WWOX: variants seen among roughly 807,000 people sequenced by gnomAD.
The protein encoded by WWOX is WW domain-containing oxidoreductase.
Under a neutral mutation model 46.2 loss-of-function variants are expected in WWOX, and 69 were observed. The ratio of observed to expected loss-of-function variants is 1.49; its 90% CI spans 1.23 to 1.82. WWOX has a LOEUF of 1.82. Ranked by LOEUF, WWOX falls within the 40% of genes most tolerant of loss-of-function variation. WWOX has a pLI of 0.00. For missense variants in WWOX, 919 were observed against 542.6 expected (o/e 1.69, Z -6.89); for synonymous variants, 359 against 202.6 (o/e 1.77, Z -6.56).
intron 6 of WWOX, among the ~76,000 whole-genome samples, chr16:78,414,944 A>G (rs958174481): frequency 1.2e-4 from 19 of 152,152 alleles, no homozygotes; most frequent in African/African-American, 4.3e-4. Flanking sequence ...GGGTGAGTCT[A>G]TAAAATTAAA....
intron 8 of WWOX, among the ~76,000 whole-genome samples, chr16:78,802,719 C>A (rs536074691): frequency 1.3e-5 from 2 of 151,470 alleles, no homozygotes; most frequent in East Asian, 3.9e-4. Flanking sequence ...AGTTCAAGAT[C>A]AGCCTGGGCA....
chr16:79,018,901 A>C (rs1036115521), intron 8 of WWOX, among the ~76,000 whole-genome samples: 1 of 152,092 alleles, frequency 6.6e-6, no homozygotes, highest in African/African-American at 2.4e-5. Context: ...ATGTAATCCC[A>C]ACACTTTGGG....
chr16:78,253,861 C>T (rs1393084658), intron 5 of WWOX, among the ~76,000 whole-genome samples: 3 of 152,232 alleles, frequency 2.0e-5, no homozygotes, highest in South Asian at 2.1e-4. Flanking sequence ...GGTAAGCTTA[C>T]GTACATGCTT....
intron 4 of WWOX, chr16:78,124,156 A>G (rs1000370255): frequency 4.6e-5 from 7 of 150,962 alleles, no homozygotes; most frequent in Admixed American, 4.6e-4. Context: ...GCTATATTAT[A>G]TACTTTTATT....
intron 8 of WWOX, among the ~76,000 whole-genome samples, chr16:78,807,524 A>G (rs1025700228): frequency 3.0e-4 from 46 of 152,232 alleles, no homozygotes; most frequent in African/African-American, 9.6e-4. Context: ...TTGCTTCTAC[A>G]TGGATTCTAA....
intron 8 of WWOX, among the ~76,000 whole-genome samples, chr16:78,662,221 C>A (rs1031714115): frequency 6.6e-6 from 1 of 152,014 alleles, no homozygotes; most frequent in Non-Finnish European, 1.5e-5. Flanking sequence ...TTTGTATAAC[C>A]GAGGCCAGAT....
intron 8 of WWOX, among the ~76,000 whole-genome samples, chr16:78,446,055 T>C (rs945954600): frequency 2.0e-5 from 3 of 152,210 alleles, no homozygotes; most frequent in Non-Finnish European, 4.4e-5. Flanking sequence ...TTCTTTTAGA[T>C]CTGGAAAGAC....
chr16:78,356,964 A>C (rs1459984319), intron 5 of WWOX, among the ~76,000 whole-genome samples: 1 of 152,190 alleles, frequency 6.6e-6, no homozygotes, highest in Non-Finnish European at 1.5e-5. Context: ...GCCAATTCCT[A>C]AATGATGCCT....
At chr16:78,772,964 G>T (rs1341598099) in intron 8 of WWOX, among the ~76,000 whole-genome samples, 1 of 152,320 alleles carries the variant, frequency 6.6e-6, no homozygotes, top group East Asian at 1.9e-4. Flanking sequence ...GGCTGAGGCT[G>T]CAGAAAGCTG....
intron 8 of WWOX, among the ~76,000 whole-genome samples, chr16:79,011,135 C>CA (rs2047296709): frequency 6.8e-6 from 1 of 146,212 alleles, no homozygotes; most frequent in Non-Finnish European, 1.5e-5. Flanking sequence ...ACTCACACAT[C>CA]CACACACACA....
chr16:79,013,507 C>G (rs940494269), intron 8 of WWOX, among the ~76,000 whole-genome samples: 1 of 152,168 alleles, frequency 6.6e-6, no homozygotes, highest in Non-Finnish European at 1.5e-5. Flanking sequence ...TGAAGTCACT[C>G]AAAGCTCAGG....
chr16:78,648,491 G>C (rs2046895466), intron 8 of WWOX, among the ~76,000 whole-genome samples: 1 of 152,204 alleles, frequency 6.6e-6, no homozygotes, highest in Admixed American at 6.5e-5. Context: ...ACAATGGCCA[G>C]ACCATATTTT....
At chr16:78,660,674 C>T (rs973690976) in intron 8 of WWOX, among the ~76,000 whole-genome samples, 2 of 152,088 alleles carry the variant, frequency 1.3e-5, no homozygotes, top group African/African-American at 2.4e-5. Flanking sequence ...CGTTTCAGAC[C>T]TTTCAGTAAG....
chr16:78,125,186 A>G lies in WWOX; in HGVS notation c.409+10032A>G, dbSNP rs147354043. Among the ~76,000 whole-genome samples the G allele has an allele frequency of 9.0e-4, 137 of 152,298 alleles. No homozygotes were observed. The East Asian group carries it at 0.019, about 21-fold the overall frequency. On this transcript the variant is annotated intron_variant, in intron 4 of 8. Transcript: ENST00000566780. ...AATTTATGAAGATTCCGTACTTGTCATATTTAATTCTCAGCACCGTGCTTA... is the reference window on the plus strand; with the variant it reads ...AATTTATGAAGATTCCGTACTTGTCGTATTTAATTCTCAGCACCGTGCTTA...
rs973423741 is a variant in WWOX, at chr16:79,006,296, G to A, written c.1057-205312G>A. ...GAATGGAGGAGAAGATGTGAAGCGC[G>A]GGAAGTCCAGGGACACACAGCCGTG... On this transcript the variant is annotated intron_variant, in intron 8 of 8. Transcript: ENST00000566780. 3.9e-5 allele frequency among the ~76,000 whole-genome samples: 6 copies of A among 152,116 alleles called. No individual in the cohort carries two copies. The East Asian group carries it at 7.7e-4, about 20-fold the overall frequency.
intron 8 of WWOX, among the ~76,000 whole-genome samples, chr16:79,092,260 C>G (rs144395311): frequency 1.2e-4 from 19 of 152,228 alleles, no homozygotes; most frequent in African/African-American, 4.6e-4. Flanking sequence ...ATTATTAAGG[C>G]TTTAACAATA....
At chr16:78,424,641 C>T (rs371631374) in intron 6 of WWOX, among the ~76,000 whole-genome samples, 2 of 152,212 alleles carry the variant, frequency 1.3e-5, no homozygotes, top group African/African-American at 4.8e-5. Flanking sequence ...CTCTCATCCT[C>T]AGCAACGGAG....
intron 8 of WWOX, among the ~76,000 whole-genome samples, chr16:79,060,537 G>T (rs2048340064): frequency 6.6e-6 from 1 of 152,248 alleles, no homozygotes; most frequent in African/African-American, 2.4e-5. Context: ...GCACTGACTG[G>T]TGATGAATAG....
At chr16:79,146,379 G>T (rs1597417678) in intron 8 of WWOX, among the ~76,000 whole-genome samples, 1 of 152,092 alleles carries the variant, frequency 6.6e-6, no homozygotes, top group Admixed American at 6.5e-5. Flanking sequence ...TTCTATTTTA[G>T]AGACTTTTCC....
Sources: allele counts gnomAD v4.1 joint callset (sites outside exome capture counted in the v4.1 genomes callset), GRCh38; gene constraint gnomAD v4.1.1; transcripts MANE v1.5; gene names NCBI Gene and HGNC (gene_info 2026-07-23, HGNC 2026-07-21).